The following FAM184A variants were observed in gnomAD, a reference collection of about 807,000 sequenced individuals.
FAM184A encodes protein FAM184A.
A neutral mutation model predicts 143.8 loss-of-function variants in FAM184A; 99 were observed. The observed-to-expected ratio is 0.69, with a 90% CI of 0.58 to 0.81. The LOEUF (loss-of-function observed/expected upper bound fraction) is 0.81. Among genes scored for constraint, FAM184A ranks in the 40% least tolerant of loss-of-function variants. The pLI is 0.00. For synonymous variants in FAM184A, 427 were observed against 446.4 expected, an observed-to-expected ratio of 0.96 and a Z score of 0.55; for missense variants, 1,217 against 1,310.5, an observed-to-expected ratio of 0.93 and a Z score of 1.10.
rs567540567 is a variant in FAM184A at position 118,977,721 on chromosome 6, T to C, written c.2455+1644A>G. 6.6e-5 allele frequency among the ~76,000 whole-genome samples: 10 copies of C among 152,288 alleles called. No homozygotes were observed. In the South Asian group the frequency reaches 1.9e-3, roughly 28 times the overall value. Reference sequence around the variant, plus strand: ...AGGACTGGGAATATAGGTGTGGCAATAAATGAACAACATGAGTCATCTTCA... The same window carrying C: ...AGGACTGGGAATATAGGTGTGGCAACAAATGAACAACATGAGTCATCTTCA... On this transcript the variant is annotated intron_variant, in intron 11 of 17. Transcript: ENST00000338891.
chr6:119,011,240 C>A, intron 6 of FAM184A, 69 bp downstream of exon 6: 2 of 1,358,322 alleles, frequency 1.5e-6, no homozygotes, highest in Non-Finnish European at 2.0e-6. Context: ...CCTACCTATA[C>A]AATGTCACCA....
At chr6:118,968,174 G>C (rs571274749) in intron 14 of FAM184A, among the ~76,000 whole-genome samples, 1 of 152,128 alleles carries the variant, frequency 6.6e-6, no homozygotes, top group Non-Finnish European at 1.5e-5. Flanking sequence ...TACAACAGGG[G>C]TGTCCAATCT....
intron 1 of FAM184A, among the ~76,000 whole-genome samples, chr6:119,036,849 A>G (rs1192116725): frequency 1.3e-5 from 2 of 152,228 alleles, no homozygotes; most frequent in East Asian, 3.8e-4. Context: ...GTCAAGCTGT[A>G]TAGTACAGAA....
chr6:119,009,572 G>A (rs185248167), intron 6 of FAM184A: 20 of 152,860 alleles, frequency 1.3e-4, no homozygotes, highest in African/African-American at 4.6e-4. Flanking sequence ...AAATTAACCA[G>A]TCTTAGGTAT....
intron 1 of FAM184A, among the ~76,000 whole-genome samples, chr6:119,136,798 G>A (rs930070371): frequency 1.2e-4 from 19 of 152,324 alleles, no homozygotes; most frequent in South Asian, 4.2e-4. Flanking sequence ...CCACATGCCC[G>A]TTTCTTGGCA....
At chr6:119,064,006 T>A (rs1787350276) in intron 1 of FAM184A, among the ~76,000 whole-genome samples, 1 of 152,094 alleles carries the variant, frequency 6.6e-6, no homozygotes, top group African/African-American at 2.4e-5. Flanking sequence ...CACCCCCCCA[T>A]AAACAATCTC....
At chr6:119,023,844 T>TG in intron 2 of FAM184A, 115 bp downstream of exon 2, 1 of 603,626 alleles carries the variant, frequency 1.7e-6, no homozygotes, top group Non-Finnish European at 2.5e-6. Context: ...AAAAAAAAAG[T>TG]CTAAGTGGTG....
chr6:118,983,852 A>T (rs1043766276), intron 9 of FAM184A, among the ~76,000 whole-genome samples: 1 of 151,992 alleles, frequency 6.6e-6, no homozygotes, highest in Non-Finnish European at 1.5e-5. Context: ...AAAAAGAAAA[A>T]ATTAAAAATA....
At position 119,003,007 on chromosome 6, in the gene FAM184A, A is replaced by G; in HGVS notation, c.1980T>C (p.His660=). The change falls in exon 9 of 18, where the codon CAT becomes CAC. Residue 660 remains histidine, a synonymous_variant. Transcript: ENST00000338891. ...ACATTGCTGACTTCTTATCCTCTTC[A>G]TGTTGAAGCCTTAACTCTTCACGAA... ...SKLREELRLQ[H]EEDKKSAMSQ... is the part of the protein sequence containing the mutation. 6.2e-7 allele frequency: 1 copy of G among 1,612,540 alleles called. No individual in the cohort carries two copies. The highest frequency in any genetic ancestry group is 8.5e-7 in the Non-Finnish European group (1 of 1,179,456).
At position 118,960,067 on chromosome 6, in the gene FAM184A, T is replaced by G. The variant is rs778613935; in HGVS notation, c.*36A>C. The G allele has an allele frequency of 3.3e-6, 5 of 1,510,378 alleles. No individual in the cohort carries two copies. In the South Asian group the frequency reaches 4.6e-5, roughly 14 times the overall value. The allele number at this position is 1,510,378 out of a possible 1,614,324, so 93.6% of individuals were successfully genotyped here. On this transcript the variant is annotated 3_prime_UTR_variant, in exon 18 of 18. Coordinates refer to ENST00000338891, the MANE Select transcript of FAM184A (RefSeq NM_024581.6). ...AATCTGTATAAAGTCATGCTCTTAG[T>G]AACAGTCTATACAGAGCTGTGCCAA...
At chr6:119,030,079 A>C (rs990557113) in intron 1 of FAM184A, among the ~76,000 whole-genome samples, 1 of 152,228 alleles carries the variant, frequency 6.6e-6, no homozygotes, top group African/African-American at 2.4e-5. Context: ...CCACTCATAC[A>C]CTGAGAAAAC....
chr6:119,113,890 C>T (rs556317367), intron 1 of FAM184A, among the ~76,000 whole-genome samples: 1 of 152,100 alleles, frequency 6.6e-6, no homozygotes, highest in East Asian at 1.9e-4. Context: ...TGCGGTGAGC[C>T]GAGATCATGC....
chr6:119,013,287 G>T (rs1785142902), intron 5 of FAM184A, among the ~76,000 whole-genome samples: 1 of 152,130 alleles, frequency 6.6e-6, no homozygotes, highest in South Asian at 2.1e-4. Flanking sequence ...GGATAATGAG[G>T]AGTAAAGTAA....
At chr6:119,004,233 G>A (rs1784855802) in intron 7 of FAM184A, among the ~76,000 whole-genome samples, 1 of 152,218 alleles carries the variant, frequency 6.6e-6, no homozygotes, top group Admixed American at 6.5e-5. Flanking sequence ...GACAACAGTG[G>A]CAACCATCGG....
intron 1 of FAM184A, among the ~76,000 whole-genome samples, chr6:119,105,409 AGT>A (rs1328710794): frequency 6.6e-6 from 1 of 152,102 alleles, no homozygotes; most frequent in Non-Finnish European, 1.5e-5. Flanking sequence ...ATGGTTTAAA[AGT>A]GTGTGGCATT....
chr6:119,001,968 C>T (rs889716751), intron 9 of FAM184A, among the ~76,000 whole-genome samples: 2 of 152,066 alleles, frequency 1.3e-5, no homozygotes, highest in African/African-American at 2.4e-5. Context: ...AAGTGACTGA[C>T]AAAAGCTCAT....
chr6:119,077,413 T>G (rs932699392), intron 1 of FAM184A, among the ~76,000 whole-genome samples: 1 of 152,250 alleles, frequency 6.6e-6, no homozygotes, highest in African/African-American at 2.4e-5. Context: ...CAGATATGAA[T>G]TGCTCTTGCT....
intron 1 of FAM184A, among the ~76,000 whole-genome samples, chr6:119,075,296 G>A (rs527959998): frequency 1.6e-4 from 25 of 152,232 alleles, no homozygotes; most frequent in Non-Finnish European, 3.2e-4. Flanking sequence ...ATGCAGAATG[G>A]TTTAAAAGGA....
intron 1 of FAM184A, among the ~76,000 whole-genome samples, chr6:119,046,077 G>T (rs1441585655): frequency 6.6e-6 from 1 of 152,038 alleles, no homozygotes; most frequent in Non-Finnish European, 1.5e-5. Flanking sequence ...TATTACAACT[G>T]TTATCTTTTT....
Sources: gnomAD v4.1 joint callset for allele counts (sites outside exome capture counted in the v4.1 genomes callset) on GRCh38, gnomAD v4.1.1 for gene constraint, MANE v1.5 for transcripts, NCBI Gene and HGNC (gene_info 2026-07-23, HGNC 2026-07-21) for gene names.